Variants in CNTN5 observed in about 807,000 individuals in gnomAD.
CNTN5 encodes contactin-5.
CNTN5 carries 77 observed loss-of-function variants against 129.1 expected under a neutral mutation model. The observed-to-expected ratio is 0.60, with a 90% confidence interval of 0.50 to 0.72. CNTN5 has a LOEUF of 0.72. Ranked by LOEUF, CNTN5 falls within the 30% of genes least tolerant of loss-of-function variation. The probability of loss-of-function intolerance (pLI) is 0.00; values close to 1 mark genes in which losing one functional copy is unlikely to be tolerated. For missense variants in CNTN5, 1,478 were observed against 1,328.8 expected (o/e 1.11, Z -1.75); for synonymous variants, 509 against 465.6 (o/e 1.09, Z -1.20).
intron 4 of CNTN5, among the ~76,000 whole-genome samples, chr11:99,840,036 C>A (rs892985337): frequency 2.0e-5 from 3 of 151,984 alleles, no homozygotes; most frequent in Non-Finnish European, 4.4e-5. Context: ...ACATATCCCT[C>A]AAAATTATTG....
chr11:100,086,242 CTAAT>C (rs1472549366), intron 13 of CNTN5, among the ~76,000 whole-genome samples: 3 of 150,516 alleles, frequency 2.0e-5, no homozygotes, highest in African/African-American at 7.3e-5. Context: ...AAAATGCCCA[CTAAT>C]TACTCTGTCT....
intron 2 of CNTN5, among the ~76,000 whole-genome samples, chr11:99,551,313 T>C (rs1948472961): frequency 6.6e-6 from 1 of 152,148 alleles, no homozygotes; most frequent in South Asian, 2.1e-4. Flanking sequence ...GAATTAAGTG[T>C]TTTTAAAGGG....
At chr11:100,103,115 T>A (rs1591248853) in intron 13 of CNTN5, among the ~76,000 whole-genome samples, 1 of 152,190 alleles carries the variant, frequency 6.6e-6, no homozygotes, top group Non-Finnish European at 1.5e-5. Flanking sequence ...TCATTCTGCA[T>A]GCAGGCTGTA....
intron 13 of CNTN5, among the ~76,000 whole-genome samples, chr11:100,089,579 A>T (rs1944676563): frequency 6.6e-6 from 1 of 152,178 alleles, no homozygotes; most frequent in Non-Finnish European, 1.5e-5. Context: ...AGGAATACAA[A>T]TTATTCTATT....
intron 9 of CNTN5, among the ~76,000 whole-genome samples, chr11:100,009,982 C>G (rs1425145378): frequency 1.3e-5 from 2 of 152,076 alleles, no homozygotes; most frequent in Non-Finnish European, 2.9e-5. Flanking sequence ...TTTTCTTGCT[C>G]AGCATTCAAT....
intron 3 of CNTN5, among the ~76,000 whole-genome samples, chr11:99,564,797 C>T (rs1319278959): frequency 6.6e-6 from 1 of 152,112 alleles, no homozygotes; most frequent in African/African-American, 2.4e-5. Context: ...CAATACGGTC[C>T]AGGATTTATC....
At chr11:100,285,590 G>T (rs1448378892) in intron 18 of CNTN5, among the ~76,000 whole-genome samples, 1 of 152,232 alleles carries the variant, frequency 6.6e-6, no homozygotes, top group South Asian at 2.1e-4. Flanking sequence ...AGGAAAAGAA[G>T]TGTTGAATGA....
chr11:99,805,316 G>T (rs925189848), intron 3 of CNTN5, among the ~76,000 whole-genome samples: 5 of 152,054 alleles, frequency 3.3e-5, no homozygotes, highest in Non-Finnish European at 7.4e-5. Flanking sequence ...AATGTCTGTG[G>T]AACATCCGGG....
At chr11:99,936,446 A>T (rs1950317440) in intron 7 of CNTN5, among the ~76,000 whole-genome samples, 1 of 152,064 alleles carries the variant, frequency 6.6e-6, no homozygotes, top group Non-Finnish European at 1.5e-5. Context: ...CTTTTTTCTT[A>T]TCCTTATTTT....
chr11:99,813,004 T>C (rs1017286798), intron 3 of CNTN5, among the ~76,000 whole-genome samples: 2 of 107,614 alleles, frequency 1.9e-5, no homozygotes, highest in Admixed American at 1.7e-4. Flanking sequence ...ACTGGTAAAA[T>C]CTTACCAATT....
chr11:99,756,913 GT>G (rs72102158), intron 3 of CNTN5, among the ~76,000 whole-genome samples: 5,866 of 143,074 alleles, frequency 0.041, 140 homozygotes, highest in South Asian at 0.078. Context: ...ACAATAGAGG[GT>G]TTTTTTTTTT....
chr11:99,284,600 G>GGTGTGT (rs71046675), intron 1 of CNTN5, among the ~76,000 whole-genome samples: 54 of 124,806 alleles, frequency 4.3e-4, no homozygotes, highest in East Asian at 2.3e-3. Context: ...AGAGATGAGT[G>GGTGTGT]GTGTGTGTGT....
intron 3 of CNTN5, among the ~76,000 whole-genome samples, chr11:99,599,366 T>C (rs1950244122): frequency 6.6e-6 from 1 of 152,110 alleles, no homozygotes; most frequent in African/African-American, 2.4e-5. Flanking sequence ...TAACATTGAT[T>C]TAGCCATTTA....
At chr11:99,476,420 T>C (rs1384711784) in intron 2 of CNTN5, among the ~76,000 whole-genome samples, 2 of 152,156 alleles carry the variant, frequency 1.3e-5, no homozygotes, top group African/African-American at 2.4e-5. Flanking sequence ...TGTAATAAAA[T>C]ATAATTCACC....
At chr11:99,038,035 A>G (rs1031798161) in intron 1 of CNTN5, among the ~76,000 whole-genome samples, 1 of 152,310 alleles carries the variant, frequency 6.6e-6, no homozygotes, top group Admixed American at 6.5e-5. Context: ...TTAATTTAAT[A>G]CATTCTGCTC....
chr11:100,105,796 C>T (rs1945409178), intron 13 of CNTN5, among the ~76,000 whole-genome samples: 1 of 151,796 alleles, frequency 6.6e-6, no homozygotes, highest in East Asian at 2.0e-4. Context: ...GCCAGGTCTT[C>T]AGGTTTCCAG....
intron 1 of CNTN5, among the ~76,000 whole-genome samples, chr11:99,298,729 C>A (rs938526305): frequency 3.9e-5 from 6 of 152,048 alleles, no homozygotes; most frequent in Admixed American, 1.3e-4. Context: ...CTGCCTAAAT[C>A]CAGCCCAAAA....
In CNTN5 at chr11:99,571,755, T is replaced by C. The variant is rs79785270; in HGVS notation, c.55+15486T>C. On this transcript the variant is annotated intron_variant, in intron 3 of 24. Coordinates refer to ENST00000524871, the MANE Select transcript of CNTN5 (RefSeq NM_014361.4). ...GGTACATATCCTGGTCATACTTCCA[T>C]AGAGTGATTTGGCCTGTCTCTTCTC... Among the ~76,000 whole-genome samples, 1,010 of 152,270 alleles carry C rather than the reference T, an allele frequency of 6.6e-3. 8 individuals carry two copies. Among genetic ancestry groups the C allele is most frequent in the African/African-American group, 0.022 (900 of 41,554 alleles).
chr11:99,232,577 A>G (rs1393465450), intron 1 of CNTN5, among the ~76,000 whole-genome samples: 1 of 152,020 alleles, frequency 6.6e-6, no homozygotes, highest in Non-Finnish European at 1.5e-5. Flanking sequence ...TTTTCTAGAT[A>G]TTGTATCATG....
Sources: gnomAD v4.1 joint callset for allele counts (sites outside exome capture counted in the v4.1 genomes callset) on GRCh38, gnomAD v4.1.1 for gene constraint, MANE v1.5 for transcripts, NCBI Gene and HGNC (gene_info 2026-07-23, HGNC 2026-07-21) for gene names.